The following MUC5B variants were observed in gnomAD, a reference collection of about 807,000 sequenced individuals.
MUC5B encodes mucin 5B, oligomeric mucus/gel-forming, also known as mucin-5B.
In MUC5B, 116 loss-of-function variants were observed where a neutral mutation model predicts 376.9. That is an observed-to-expected ratio of 0.31 (90% CI 0.26 to 0.36). MUC5B has a LOEUF of 0.36. Ranked by LOEUF, MUC5B falls within the 10% of genes least tolerant of loss-of-function variation. The probability of loss-of-function intolerance (pLI) is 1.00; values close to 1 mark genes in which losing one functional copy is unlikely to be tolerated. For synonymous variants in MUC5B, 3,517 were observed against 3,390.9 expected (o/e 1.04, Z -1.29); for missense variants, 7,165 against 7,769.9 (o/e 0.92, Z 2.93).
Position 1,261,867 on chromosome 11 carries a change from G to C in MUC5B, c.*259G>C. The stretch of plus-strand genomic sequence containing the variant: ...GCCCACCTTGGCCTTGCCCCTCCCT[G>C]ATGTCACTGGGACGCCCTGGAACAA... On this transcript the variant is annotated 3_prime_UTR_variant, in exon 49 of 49. Coordinates refer to ENST00000529681, the MANE Select transcript of MUC5B (RefSeq NM_002458.3). 1 of 683,092 alleles carries C rather than the reference G, an allele frequency of 1.5e-6. No individual in the cohort carries two copies. The highest frequency in any genetic ancestry group is 1.5e-5 in the South Asian group (1 of 66,554). The allele number at this position is 683,092 out of a possible 1,614,324, so 42.3% of individuals were successfully genotyped here.
intron 25 of MUC5B, 132 bp from the exon 26 acceptor site, chr11:1,238,739 C>A (rs1256051853): frequency 3.0e-6 from 3 of 1,007,668 alleles, no homozygotes; most frequent in African/African-American, 1.6e-5. Flanking sequence ...GTATTCCAGG[C>A]CCCAGGAGCT....
At chr11:1,231,643 A>G in intron 14 of MUC5B, 83 bp downstream of exon 14, 1 of 1,449,068 alleles carries the variant, frequency 6.9e-7, no homozygotes, top group Non-Finnish European at 9.2e-7. Context: ...AGGGGCAGGC[A>G]GAGGCGGGCA....
rs1421200731 is a variant in MUC5B, at chr11:1,253,176, C to G, written c.15217+196C>G. Among the ~76,000 whole-genome samples, 4 of 152,022 alleles carry G rather than the reference C, an allele frequency of 2.6e-5. No homozygotes were observed. The highest frequency in any genetic ancestry group is 4.4e-5 in the Non-Finnish European group (3 of 67,994). ...TGTGGTGGTGGTGTTTGGGAGATCG[C>G]TGGCATCCCTTCAGGAAACCATCAT... On this transcript the variant is annotated intron_variant, in intron 33 of 48. Transcript: ENST00000529681. This position sits in a 1 kb window ranked among gnomAD's most constrained non-coding sequence, Gnocchi z 4.3.
At position 1,234,123 on chromosome 11, in the gene MUC5B, G is replaced by A. The variant is rs1862102683; in HGVS notation, c.2378-82G>A. The A allele has an allele frequency of 2.5e-6, 3 of 1,181,312 alleles. No individual in the cohort carries two copies. The highest frequency in any genetic ancestry group is 4.1e-5 in the Admixed American group (2 of 49,294). The allele number at this position is 1,181,312 out of a possible 1,614,324, so 73.2% of individuals were successfully genotyped here. The stretch of plus-strand genomic sequence containing the variant: ...CGGGGGCTGTTAACTTGATCAGCAG[G>A]ACAGGCTCAGGGCTGCCTGGGGTCA... On this transcript the variant is annotated intron_variant, in intron 19 of 48. Transcript: ENST00000529681. This position sits in a 1 kb window ranked among gnomAD's most constrained non-coding sequence, Gnocchi z 6.3.
intron 46 of MUC5B, 97 bp downstream of exon 46, chr11:1,260,182 C>T: frequency 7.1e-7 from 1 of 1,418,178 alleles, no homozygotes; most frequent in Non-Finnish European, 9.6e-7. Flanking sequence ...GAGGCCCCAC[C>T]CCTGCTGGGG....
rs56290853 is a variant in MUC5B, at chr11:1,234,814, C to T, written c.2630+134C>T. On this transcript the variant is annotated intron_variant, in intron 21 of 48. Coordinates refer to ENST00000529681, the MANE Select transcript of MUC5B (RefSeq NM_002458.3). The surrounding 1 kb of genome is among the most constrained non-coding windows in gnomAD (Gnocchi z 6.3). ...CCAGCTGGCCAGGGTGAGGTGGGGC[C>T]GTGGCAGGAGAGAGAGTTGCTAGGA... is the stretch of plus-strand genomic sequence containing the variant. 27,992 of 1,138,064 alleles carry T rather than the reference C, an allele frequency of 0.025. 538 individuals carry two copies. Among genetic ancestry groups the T allele is most frequent in the Non-Finnish European group, 0.027 (22,473 of 826,298 alleles). 70.5% of individuals were successfully genotyped at this position (1,138,064 alleles called of 1,614,324 possible). A position where few individuals can be genotyped will look rare whatever the true frequency, so the allele number is the denominator to read the frequency against.
chr11:1,256,341 C>T (rs1862833771), intron 38 of MUC5B, 116 bp downstream of exon 38: 4 of 647,984 alleles, frequency 6.2e-6, no homozygotes, highest in African/African-American at 1.8e-5. Context: ...CTGGGGTGCC[C>T]GAGCCCAGGA....
In MUC5B at chr11:1,229,742, C is replaced by T. The variant is rs774610793; in HGVS notation, c.1155C>T (p.Cys385=). 6.2e-7 allele frequency: 1 copy of T among 1,600,344 alleles called. No individual in the cohort carries two copies. The highest frequency in any genetic ancestry group is 8.5e-7 in the Non-Finnish European group (1 of 1,175,394). The change falls in exon 10 of 49, where the codon TGC becomes TGT. Residue 385 remains cysteine (C), a synonymous_variant. Transcript: ENST00000529681. ...CTGGCTGCCTGCCCCTCGGGCAGTGCCCCTGCACCCACGGCGGCCGCACCT... is the reference window on the plus strand; with the variant it reads ...CTGGCTGCCTGCCCCTCGGGCAGTGTCCCTGCACCCACGGCGGCCGCACCT... ...THSGCLPLGQ[C]PCTHGGRTYS... is the part of the protein sequence containing the mutation.
chr11:1,225,614 C>T (rs1861861985), intron 1 of MUC5B, 67 bp from the exon 2 acceptor site: 6 of 1,448,802 alleles, frequency 4.1e-6, no homozygotes, highest in Admixed American at 2.0e-5. Context: ...TGGCCAGGTC[C>T]GTGGTTGGGT....
intron 3 of MUC5B, 27 bp from the exon 4 acceptor site, chr11:1,226,588 A>T: frequency 6.3e-7 from 1 of 1,593,680 alleles, no homozygotes; most frequent in South Asian, 1.1e-5. Context: ...TGGCATGGGG[A>T]TGGGCCTCAT....
rs763531015 is a variant in MUC5B at position 1,258,304 on chromosome 11, G to A, written c.16556-26G>A. The A allele has an allele frequency of 6.8e-6, 11 of 1,610,702 alleles. No individual in the cohort carries two copies. The highest frequency in any genetic ancestry group is 2.2e-5 in the East Asian group (1 of 44,832). On this transcript the variant is annotated intron_variant, in intron 42 of 48. Transcript: ENST00000529681. The surrounding 1 kb of genome is among the most constrained non-coding windows in gnomAD (Gnocchi z 5.5). The stretch of plus-strand genomic sequence containing the variant: ...GAGCACATGCTCCCCACCACTTGTC[G>A]AGGGCTTAGCTCCCTTTCCTTCCAG...
Position 1,261,964 on chromosome 11 carries a change from A to G in MUC5B, c.*356A>G. On this transcript the variant is annotated 3_prime_UTR_variant, in exon 49 of 49. Coordinates refer to ENST00000529681, the MANE Select transcript of MUC5B (RefSeq NM_002458.3). The stretch of plus-strand genomic sequence containing the variant: ...CGCGCAGCACGGATTCCAGCTGGCC[A>G]CGTCCGGCCGCTGGGGCAGACAGGC... The G allele has an allele frequency of 6.0e-6, 3 of 501,612 alleles. No homozygotes were observed. The highest frequency in any genetic ancestry group is 1.2e-5 in the Non-Finnish European group (3 of 255,500). 31.1% of individuals were successfully genotyped at this position (501,612 alleles called of 1,614,324 possible).
rs542178907 is a variant in MUC5B, at chr11:1,248,501, C to T, written c.11621C>T (p.Thr3874Ile). 3 of 1,612,070 alleles carry T rather than the reference C, an allele frequency of 1.9e-6. No individual in the cohort carries two copies. Among genetic ancestry groups the T allele is most frequent in the Admixed American group, 1.7e-5 (1 of 59,898 alleles). ...CCGACTACCACAACCACGGGCTTCA[C>T]AGTCACCCCCTCCTCCAGCCCAGGG... is the stretch of plus-strand genomic sequence containing the variant. Reference protein sequence around the residue: ...KVPTTTTTGFTVTPSSSPGTA... With the variant: ...KVPTTTTTGFIVTPSSSPGTA... Residue 3874 changes from threonine (T) to isoleucine (I), a missense_variant, in exon 31 of 49, where the codon ACA becomes ATA. Thr to Ile is a moderately conservative substitution (Grantham distance 89). Coordinates refer to ENST00000529681, the MANE Select transcript of MUC5B (RefSeq NM_002458.3).
In MUC5B at chr11:1,260,331, CT is replaced by C. The variant is rs1362507644; in HGVS notation, c.16924-19del. On this transcript the variant is annotated intron_variant, in intron 46 of 48. Coordinates refer to ENST00000529681, the MANE Select transcript of MUC5B (RefSeq NM_002458.3). ...GAGGCCCCGCCCACAGCCCTGCCCC[CT>C]GTCTTTGGCCCCCACCAGGGGAGCC... 1.9e-6 allele frequency: 3 copies of C among 1,611,916 alleles called. No homozygotes were observed. The highest frequency in any genetic ancestry group is 2.5e-6 in the Non-Finnish European group (3 of 1,179,460).
At chr11:1,252,314 T>C (rs1862725160) in intron 31 of MUC5B, 29 bp from the exon 32 acceptor site, 1 of 1,518,662 alleles carries the variant, frequency 6.6e-7, no homozygotes, top group East Asian at 2.3e-5. Flanking sequence ...TGGGAGTGGC[T>C]TATCTTTCTA....
chr11:1,236,366 A>C lies in MUC5B; in HGVS notation c.2881-20A>C, dbSNP rs1862157020. 1 of 1,590,700 alleles carries C rather than the reference A, an allele frequency of 6.3e-7. No individual in the cohort carries two copies. Among genetic ancestry groups the C allele is most frequent in the Admixed American group, 1.7e-5 (1 of 58,900 alleles). ...GGGGGCCACAGGGTCGGCTTCCGGCAGCGTCTGCCTCCCCTGCAGAGCTAC... is the reference window on the plus strand; with the variant it reads ...GGGGGCCACAGGGTCGGCTTCCGGCCGCGTCTGCCTCCCCTGCAGAGCTAC... On this transcript the variant is annotated intron_variant, in intron 23 of 48. Transcript: ENST00000529681.
chr11:1,253,325 G>C lies in MUC5B; in HGVS notation c.15217+345G>C, dbSNP rs1485697878. Among the ~76,000 whole-genome samples, 2 of 152,176 alleles carry C rather than the reference G, an allele frequency of 1.3e-5. No homozygotes were observed. Among genetic ancestry groups the C allele is most frequent in the Non-Finnish European group, 2.9e-5 (2 of 68,038 alleles). Reference sequence around the variant, plus strand: ...GAGAGGCAGCAGAGGCTGGTTTGCTGAGCTTCTCTGCACATCAGCCTGTGT... The same window carrying C: ...GAGAGGCAGCAGAGGCTGGTTTGCTCAGCTTCTCTGCACATCAGCCTGTGT... On this transcript the variant is annotated intron_variant, in intron 33 of 48. Transcript: ENST00000529681. This position sits in a 1 kb window ranked among gnomAD's most constrained non-coding sequence, Gnocchi z 4.3.
Position 1,245,926 on chromosome 11 carries a change from C to A in MUC5B, c.9046C>A (p.Pro3016Thr). Residue 3016 changes from proline (P) to threonine (T), a missense_variant, in exon 31 of 49, where the codon CCG (proline) becomes ACG (threonine). This residue lies in a region of MUC5B where 939 missense variants were observed against 770.6 expected (regional missense o/e 1.22). Transcript: ENST00000529681. ...TGSTAIPSSTPGTAPPPKVLT... is the reference protein window; with the variant it reads ...TGSTAIPSSTTGTAPPPKVLT... Reference sequence around the variant, plus strand: ...ATCCACGGCCATCCCGTCCTCCACCCCGGGAACAGCTCCCCCTCCCAAAGT... The same window carrying A: ...ATCCACGGCCATCCCGTCCTCCACCACGGGAACAGCTCCCCCTCCCAAAGT... 6.2e-7 allele frequency: 1 copy of A among 1,613,192 alleles called. No individual in the cohort carries two copies. The highest frequency in any genetic ancestry group is 1.1e-5 in the South Asian group (1 of 91,054).
At position 1,249,066 on chromosome 11, in the gene MUC5B, G is replaced by A. The variant is rs562790390; in HGVS notation, c.12186G>A (p.Ser4062=). The A allele has an allele frequency of 3.3e-5, 53 of 1,608,086 alleles. No individual in the cohort carries two copies. The South Asian group carries it at 4.2e-4, about 13-fold the overall frequency. The change falls in exon 31 of 49, where the codon TCG becomes TCA. Residue 4062 remains serine, a synonymous_variant. Coordinates refer to ENST00000529681, the MANE Select transcript of MUC5B (RefSeq NM_002458.3). ...CAACCACCGGTACCACCCAGCACTC[G>A]ACTCCAGCCCTGTCCAGCCCTCACC... ...PAATTGTTQH[S]TPALSSPHPS...
Sources: gnomAD v4.1 joint callset for allele counts (sites outside exome capture counted in the v4.1 genomes callset) on GRCh38, gnomAD v4.1.1 for gene constraint, gnomAD v4.1.1 regional missense constraint, Gnocchi (gnomAD v3.1) non-coding constraint, MANE v1.5 for transcripts, NCBI Gene and HGNC (gene_info 2026-07-23, HGNC 2026-07-21) for gene names.